Variants in ROBO1 observed in about 807,000 individuals in gnomAD.
The protein encoded by ROBO1 is roundabout homolog 1.
ROBO1 carries 149 observed loss-of-function variants against 195.9 expected under a neutral mutation model. That is an observed-to-expected ratio of 0.76 (90% CI 0.67 to 0.87). The LOEUF (loss-of-function observed/expected upper bound fraction) is 0.87. Ranked by LOEUF, ROBO1 falls within the 40% of genes least tolerant of loss-of-function variation. The pLI, the probability that ROBO1 is intolerant of heterozygous loss-of-function variation, is 0.00. For synonymous variants in ROBO1, 816 were observed against 733.2 expected (o/e 1.11, Z -1.82); for missense variants, 1,933 against 2,068.3 (o/e 0.93, Z 1.27).
chr3:79,651,630 A>G (rs1461467855), intron 1 of ROBO1, among the ~76,000 whole-genome samples: 1 of 152,068 alleles, frequency 6.6e-6, no homozygotes, highest in Non-Finnish European at 1.5e-5. Flanking sequence ...CAACGCTAGC[A>G]CCCCGGGAGA....
At chr3:79,715,686 G>A (rs553970786) in intron 1 of ROBO1, among the ~76,000 whole-genome samples, 1 of 152,078 alleles carries the variant, frequency 6.6e-6, no homozygotes, top group Non-Finnish European at 1.5e-5. Context: ...TTGCAGTGTT[G>A]AAATTTATTT....
chr3:79,254,603 C>G (rs573933817), intron 2 of ROBO1, among the ~76,000 whole-genome samples: 2 of 152,180 alleles, frequency 1.3e-5, no homozygotes, highest in East Asian at 1.9e-4. Flanking sequence ...CCTGCAAAAT[C>G]AGAAGAGACA....
intron 2 of ROBO1, among the ~76,000 whole-genome samples, chr3:79,273,464 A>G (rs2030753015): frequency 6.6e-6 from 1 of 152,100 alleles, no homozygotes; most frequent in Non-Finnish European, 1.5e-5. Context: ...GGGTTGTAAG[A>G]TGTTATTTGC....
At chr3:79,433,399 T>G (rs1052989108) in intron 2 of ROBO1, among the ~76,000 whole-genome samples, 1 of 152,170 alleles carries the variant, frequency 6.6e-6, no homozygotes, top group African/African-American at 2.4e-5. Context: ...TTTTTATTTT[T>G]TATTTTTTAG....
chr3:79,399,528 T>C (rs897745369), intron 2 of ROBO1, among the ~76,000 whole-genome samples: 3 of 152,170 alleles, frequency 2.0e-5, no homozygotes, highest in African/African-American at 7.2e-5. Flanking sequence ...TGCTAATTTG[T>C]TCAATGGATA....
intron 2 of ROBO1, among the ~76,000 whole-genome samples, chr3:79,519,281 T>A (rs1941090598): frequency 6.6e-6 from 1 of 152,000 alleles, no homozygotes; most frequent in Admixed American, 6.6e-5. Flanking sequence ...CTTTTACTGG[T>A]CAAAGCATGT....
intron 3 of ROBO1, among the ~76,000 whole-genome samples, chr3:78,983,271 C>T (rs2077037324): frequency 6.6e-6 from 1 of 152,194 alleles, no homozygotes; most frequent in Admixed American, 6.5e-5. Context: ...TACGTAACAA[C>T]AACTAAAGAA....
chr3:79,579,003 T>C (rs190480514), intron 2 of ROBO1, among the ~76,000 whole-genome samples: 1 of 152,272 alleles, frequency 6.6e-6, no homozygotes, highest in East Asian at 1.9e-4. Flanking sequence ...TCAATTTCCC[T>C]CTATATATTG....
intron 2 of ROBO1, among the ~76,000 whole-genome samples, chr3:79,481,363 AT>A (rs1373048984): frequency 1.3e-5 from 2 of 152,176 alleles, no homozygotes; most frequent in Non-Finnish European, 2.9e-5. Context: ...AATTAAAAAA[AT>A]AAAAATAAAA....
intron 10 of ROBO1, among the ~76,000 whole-genome samples, chr3:78,676,922 A>G (rs1202673652): frequency 6.6e-6 from 1 of 152,206 alleles, no homozygotes; most frequent in East Asian, 1.9e-4. Flanking sequence ...GGGCAGCCAG[A>G]GAGAAAGGTC....
At position 78,631,167 on chromosome 3, in the gene ROBO1, T is replaced by C. The variant is rs369247892; in HGVS notation, c.3620A>G (p.Asp1207Gly). The C allele has an allele frequency of 6.2e-7, 1 of 1,610,820 alleles. No homozygotes were observed. The highest frequency in any genetic ancestry group is 8.5e-7 in the Non-Finnish European group (1 of 1,178,438). The change falls in exon 25 of 31, where the codon GAT (aspartate) becomes GGT (glycine). Residue 1207 changes from aspartate to glycine, a missense_variant. Physicochemically the swap from Asp to Gly is moderately conservative, Grantham distance 94. This residue lies in a region of ROBO1 where 1,737 missense variants were observed against 1,882.5 expected (regional missense o/e 0.92). Transcript: ENST00000464233. Reference protein sequence around the residue: ...SNSEEYNISVDESYDQEMPCP... With the variant: ...SNSEEYNISVGESYDQEMPCP... ...GTTTGGATGCTCCTCTTACCTTTCA[T>C]CTACAGAAATGTTGTACTCTTCGCT...
intron 8 of ROBO1, among the ~76,000 whole-genome samples, chr3:78,707,774 T>TG (rs1187209533): frequency 6.6e-6 from 1 of 152,084 alleles, no homozygotes; most frequent in Non-Finnish European, 1.5e-5. Context: ...AGGAGTATAG[T>TG]GGGGTGTGAA....
chr3:79,431,833 T>C (rs2038690878), intron 2 of ROBO1, among the ~76,000 whole-genome samples: 1 of 152,112 alleles, frequency 6.6e-6, no homozygotes. Context: ...CCTTTATAAA[T>C]GAGTCCAGCA....
chr3:79,195,591 GA>G, intron 2 of ROBO1, among the ~76,000 whole-genome samples: 1 of 151,496 alleles, frequency 6.6e-6, no homozygotes. Context: ...CTTGTATAAT[GA>G]AAAATATTTT....
chr3:79,345,784 CT>C (rs1447569455), intron 2 of ROBO1, among the ~76,000 whole-genome samples: 6 of 152,146 alleles, frequency 3.9e-5, no homozygotes, highest in African/African-American at 1.4e-4. Context: ...AACAATTTTG[CT>C]GAAGCACACC....
intron 1 of ROBO1, among the ~76,000 whole-genome samples, chr3:79,719,704 C>T (rs917033088): frequency 6.6e-6 from 1 of 151,612 alleles, no homozygotes; most frequent in East Asian, 1.9e-4. Context: ...TGTGGATCTT[C>T]ATAAAGAAAA....
chr3:79,639,756 A>T (rs1169646848), intron 1 of ROBO1, among the ~76,000 whole-genome samples: 2 of 152,200 alleles, frequency 1.3e-5, no homozygotes, highest in African/African-American at 4.8e-5. Context: ...AAATTTTAGA[A>T]AAGAAAAGTT....
Position 78,746,852 on chromosome 3 carries a change from A to C in ROBO1, c.548T>G (p.Val183Gly). The change falls in exon 5 of 31, where the codon GTA becomes GGA. Residue 183 changes from valine (V) to glycine (G), a missense_variant. Physicochemically the swap from Val to Gly is moderately radical, Grantham distance 109. Around this residue, in one of 3 missense-constraint regions of ROBO1, gnomAD observed 1,737 missense variants for 1,882.5 expected, o/e 0.92. Transcript: ENST00000464233. Reference protein sequence around the residue: ...RQNPSDVMVAVGEPAVMECQP... With the variant: ...RQNPSDVMVAGGEPAVMECQP... ...GCATTCCATTACTGCAGGCTCTCCT[A>C]CTGCAACCATGACATCCGAAGGGTT... 6.3e-7 allele frequency: 1 copy of C among 1,593,278 alleles called. No homozygotes were observed. Among genetic ancestry groups the C allele is most frequent in the Non-Finnish European group, 8.6e-7 (1 of 1,165,656 alleles).
chr3:79,009,680 C>T (rs2077727198), intron 3 of ROBO1, among the ~76,000 whole-genome samples: 1 of 151,064 alleles, frequency 6.6e-6, no homozygotes, highest in South Asian at 2.1e-4. Context: ...TGAACCAATG[C>T]TAAAGTCTTT....
Sources: gnomAD v4.1 joint callset for allele counts (sites outside exome capture counted in the v4.1 genomes callset) on GRCh38, gnomAD v4.1.1 for gene constraint, gnomAD v4.1.1 regional missense constraint, MANE v1.5 for transcripts, NCBI Gene and HGNC (gene_info 2026-07-23, HGNC 2026-07-21) for gene names.